MALRD1: variants seen among roughly 807,000 people sequenced by gnomAD.
The protein encoded by MALRD1 is MAM and LDL-receptor class A domain-containing protein 1.
Under a neutral mutation model 242.1 loss-of-function variants are expected in MALRD1, and 247 were observed. That is an observed-to-expected ratio of 1.02 (90% CI 0.92 to 1.13). The LOEUF (loss-of-function observed/expected upper bound fraction) is 1.13, where lower values mean the gene tolerates loss of function less well. Among genes scored for constraint, MALRD1 ranks in the 50% most tolerant of loss-of-function variants. The pLI, the probability that MALRD1 is intolerant of heterozygous loss-of-function variation, is 0.00. For missense variants in MALRD1, 2,989 were observed against 2,533.1 expected (o/e 1.18, Z -3.86); for synonymous variants, 995 against 866.6 (o/e 1.15, Z -2.60).
At chr10:19,525,132 C>G (rs549098678) in intron 31 of MALRD1, among the ~76,000 whole-genome samples, 134 of 149,560 alleles carry the variant, frequency 9.0e-4, no homozygotes, top group African/African-American at 3.2e-3. Context: ...TCAGGCTGGT[C>G]TCGAGCTCCT....
intron 25 of MALRD1, among the ~76,000 whole-genome samples, chr10:19,349,678 A>G (rs1235791496): frequency 1.3e-5 from 2 of 152,190 alleles, no homozygotes; most frequent in Non-Finnish European, 2.9e-5. Context: ...GATTTTCTCT[A>G]TGTTGGGTAT....
intron 36 of MALRD1, among the ~76,000 whole-genome samples, chr10:19,675,805 A>G (rs1183218643): frequency 6.6e-6 from 1 of 152,222 alleles, no homozygotes; most frequent in Non-Finnish European, 1.5e-5. Flanking sequence ...TATAGATCCT[A>G]TCTTCTAAAA....
At chr10:19,677,059 C>CT (rs1374942600) in intron 36 of MALRD1, among the ~76,000 whole-genome samples, 1 of 151,964 alleles carries the variant, frequency 6.6e-6, no homozygotes, top group Non-Finnish European at 1.5e-5. Context: ...TTTTTCTAGT[C>CT]TATCATTGAT....
At chr10:19,062,821 C>T (rs911812162) in intron 1 of MALRD1, among the ~76,000 whole-genome samples, 7 of 152,058 alleles carry the variant, frequency 4.6e-5, no homozygotes, top group Admixed American at 6.6e-5. Context: ...GTGATGGTTG[C>T]TTAACAATGT....
chr10:19,707,237 T>C (rs541287977), intron 38 of MALRD1, among the ~76,000 whole-genome samples: 23 of 152,050 alleles, frequency 1.5e-4, no homozygotes, highest in South Asian at 4.2e-4. Flanking sequence ...TTCTCCTCCT[T>C]CTCCTTCTTC....
chr10:19,491,688 A>G, intron 30 of MALRD1, 43 bp downstream of exon 30: 1 of 1,531,480 alleles, frequency 6.5e-7, no homozygotes, highest in Non-Finnish European at 8.8e-7. Context: ...TTCAGCAGAT[A>G]TTTTCCTTCA....
At chr10:19,218,431 A>G (rs544940669) in intron 18 of MALRD1, among the ~76,000 whole-genome samples, 1 of 152,204 alleles carries the variant, frequency 6.6e-6, no homozygotes, top group East Asian at 1.9e-4. Flanking sequence ...TATCTCTTAT[A>G]TTTAGTTCTC....
intron 32 of MALRD1, among the ~76,000 whole-genome samples, chr10:19,547,648 G>C (rs117344421): frequency 0.014 from 2,053 of 149,754 alleles, 25 homozygotes; most frequent in East Asian, 0.045. Flanking sequence ...ATGTGTAATA[G>C]CAATAGTAAT....
At chr10:19,635,542 T>C (rs564107288) in intron 36 of MALRD1, among the ~76,000 whole-genome samples, 109 of 152,132 alleles carry the variant, frequency 7.2e-4, no homozygotes, top group Non-Finnish European at 1.4e-3. Flanking sequence ...TATTAAGGAA[T>C]TCACTCAGAA....
intron 35 of MALRD1, 30 bp downstream of exon 35, chr10:19,607,932 G>GA: frequency 5.2e-6 from 8 of 1,546,148 alleles, no homozygotes; most frequent in Non-Finnish European, 7.0e-6. Context: ...ATATTCTTGT[G>GA]ATATGAACCA....
intron 28 of MALRD1, among the ~76,000 whole-genome samples, chr10:19,392,218 C>T (rs1316243375): frequency 6.6e-6 from 1 of 152,084 alleles, no homozygotes; most frequent in Admixed American, 6.6e-5. Flanking sequence ...TAATGGGAGC[C>T]TTATTTTACT....
chr10:19,699,875 A>G (rs1311633162), intron 38 of MALRD1, among the ~76,000 whole-genome samples: 3 of 152,006 alleles, frequency 2.0e-5, no homozygotes, highest in African/African-American at 4.8e-5. Context: ...CCATGACACA[A>G]ACACCTCCCA....
chr10:19,671,521 G>A (rs1452745056), intron 36 of MALRD1, among the ~76,000 whole-genome samples: 4 of 151,786 alleles, frequency 2.6e-5, no homozygotes, highest in Non-Finnish European at 5.9e-5. Flanking sequence ...AGGAGGTTGA[G>A]GCAAGAGAAC....
At chr10:19,427,636 T>A (rs914866649) in intron 28 of MALRD1, among the ~76,000 whole-genome samples, 2 of 152,182 alleles carry the variant, frequency 1.3e-5, no homozygotes, top group African/African-American at 4.8e-5. Flanking sequence ...ATCCCCTAAG[T>A]AGTCTGATCC....
At chr10:19,377,423 A>T (rs1213353776) in intron 26 of MALRD1, among the ~76,000 whole-genome samples, 1 of 152,150 alleles carries the variant, frequency 6.6e-6, no homozygotes, top group Admixed American at 6.5e-5. Flanking sequence ...TGGATTCTGG[A>T]ACTAAATTAT....
At chr10:19,215,753 T>A (rs1377767166) in intron 18 of MALRD1, among the ~76,000 whole-genome samples, 1 of 87,222 alleles carries the variant, frequency 1.1e-5, no homozygotes, top group Non-Finnish European at 2.9e-5. Flanking sequence ...AAATAATAAT[T>A]AGTATAAACA....
At chr10:19,416,027 TTA>T (rs1833503030) in intron 28 of MALRD1, among the ~76,000 whole-genome samples, 1 of 152,210 alleles carries the variant, frequency 6.6e-6, no homozygotes. Flanking sequence ...AACAAACTGC[TTA>T]TATGTTAGTA....
chr10:19,047,475 T>C (rs1335020228), upstream of MALRD1, among the ~76,000 whole-genome samples: 1 of 151,018 alleles, frequency 6.6e-6, no homozygotes, highest in African/African-American at 2.4e-5. Context: ...ATCATGAGAG[T>C]GAAGAGAGAG....
chr10:19,650,084 A>T (rs918334026), intron 36 of MALRD1, among the ~76,000 whole-genome samples: 3 of 152,154 alleles, frequency 2.0e-5, no homozygotes, highest in Non-Finnish European at 4.4e-5. Context: ...AGAAATGGAA[A>T]TTATAAAAAA....
Sources: allele counts gnomAD v4.1 joint callset (sites outside exome capture counted in the v4.1 genomes callset), GRCh38; gene constraint gnomAD v4.1.1; transcripts MANE v1.5; gene names NCBI Gene and HGNC (gene_info 2026-07-23, HGNC 2026-07-21).